The following CAMTA1 variants were observed in gnomAD, a reference collection of about 807,000 sequenced individuals.
CAMTA1 encodes calmodulin-binding transcription activator 1.
A neutral mutation model predicts 170.9 loss-of-function variants in CAMTA1; 27 were observed. That is an observed-to-expected ratio of 0.16 (90% CI 0.12 to 0.22). The LOEUF (loss-of-function observed/expected upper bound fraction) is 0.22. CAMTA1 is among the 10% of genes least tolerant of loss of function. The probability of loss-of-function intolerance (pLI) is 1.00; values close to 1 mark genes in which losing one functional copy is unlikely to be tolerated. For synonymous variants in CAMTA1, 833 were observed against 891.5 expected (o/e 0.93, Z 1.17); for missense variants, 1,619 against 2,217.2 (o/e 0.73, Z 5.42).
chr1:7,661,605 G>A (rs904158232), intron 7 of CAMTA1, 121 bp from the exon 8 acceptor site: 28 of 1,167,360 alleles, frequency 2.4e-5, no homozygotes, highest in Middle Eastern at 2.1e-4. Context: ...CGCCCCAGGA[G>A]CCAGCTCCCC....
chr1:6,939,110 T>A (rs954591320), intron 3 of CAMTA1, among the ~76,000 whole-genome samples: 4 of 152,136 alleles, frequency 2.6e-5, no homozygotes, highest in African/African-American at 9.7e-5. Context: ...CACACTCACA[T>A]GTGTTGTTAT....
chr1:7,062,263 T>C (rs1708334800), intron 3 of CAMTA1, among the ~76,000 whole-genome samples: 1 of 152,320 alleles, frequency 6.6e-6, no homozygotes, highest in South Asian at 2.1e-4. Flanking sequence ...ATATTCCACC[T>C]TTGTCTAGAA....
At chr1:6,920,059 A>ATT (rs1557827363) in intron 3 of CAMTA1, among the ~76,000 whole-genome samples, 3 of 152,120 alleles carry the variant, frequency 2.0e-5, no homozygotes, top group Non-Finnish European at 4.4e-5. Context: ...GTCTCAGCTC[A>ATT]TTTCAGCATT....
intron 4 of CAMTA1, among the ~76,000 whole-genome samples, chr1:7,200,154 T>G (rs1425784823): frequency 1.3e-5 from 2 of 152,238 alleles, no homozygotes; most frequent in Admixed American, 6.5e-5. Flanking sequence ...ACTTAATTAT[T>G]CTCTGTGTAT....
At chr1:7,406,742 C>T (rs113410428) in intron 5 of CAMTA1, among the ~76,000 whole-genome samples, 72 of 152,296 alleles carry the variant, frequency 4.7e-4, no homozygotes, top group African/African-American at 1.7e-3. Context: ...TGGGCCTGGG[C>T]GGCGGCTCTA....
intron 5 of CAMTA1, among the ~76,000 whole-genome samples, chr1:7,353,423 CTT>C (rs2084840929): frequency 1.0e-5 from 1 of 100,400 alleles, no homozygotes; most frequent in African/African-American, 4.2e-5. Flanking sequence ...TTTTTTTTTT[CTT>C]TCTCTCTTTT....
At chr1:7,577,084 G>A (rs1048650984) in intron 6 of CAMTA1, among the ~76,000 whole-genome samples, 6 of 152,194 alleles carry the variant, frequency 3.9e-5, no homozygotes, top group African/African-American at 1.2e-4. Flanking sequence ...CCTGGGCTGT[G>A]CCTCTGCACT....
intron 6 of CAMTA1, among the ~76,000 whole-genome samples, chr1:7,468,830 G>A (rs1014084036): frequency 1.3e-5 from 2 of 152,198 alleles, no homozygotes; most frequent in Non-Finnish European, 2.9e-5. Context: ...CCTGGCGGGG[G>A]TGTAGTTGGA....
intron 4 of CAMTA1, among the ~76,000 whole-genome samples, chr1:7,143,143 G>A (rs992659819): frequency 3.3e-5 from 5 of 152,164 alleles, no homozygotes; most frequent in Admixed American, 6.5e-5. Flanking sequence ...ACCACGGGGT[G>A]CAGCTCCCAT....
chr1:7,713,226 G>T (rs919261290), intron 11 of CAMTA1, among the ~76,000 whole-genome samples: 1 of 152,182 alleles, frequency 6.6e-6, no homozygotes, highest in African/African-American at 2.4e-5. Flanking sequence ...TCTCTGGTTG[G>T]CATGCACCAT....
At chr1:7,593,466 G>A (rs1364687996) in intron 6 of CAMTA1, among the ~76,000 whole-genome samples, 9 of 151,550 alleles carry the variant, frequency 5.9e-5, no homozygotes, top group Non-Finnish European at 1.2e-4. Flanking sequence ...CAGGTGAGGT[G>A]GCTCATGCCT....
At chr1:7,024,762 A>G (rs922296812) in intron 3 of CAMTA1, among the ~76,000 whole-genome samples, 11 of 152,320 alleles carry the variant, frequency 7.2e-5, no homozygotes, top group African/African-American at 2.6e-4. Flanking sequence ...TCCTATTAAT[A>G]AGGAAAAAAG....
chr1:7,361,662 T>C (rs1442917234), intron 5 of CAMTA1, among the ~76,000 whole-genome samples: 2 of 152,194 alleles, frequency 1.3e-5, no homozygotes, highest in Non-Finnish European at 2.9e-5. Context: ...AATATTAACC[T>C]GGAAGGTTGG....
At position 7,245,785 on chromosome 1, in the gene CAMTA1, T is replaced by C. The variant is rs948850285; in HGVS notation, c.303-3706T>C. On this transcript the variant is annotated intron_variant, in intron 4 of 22. Transcript: ENST00000303635. ...TTCGTTCAGCTTCCCCAGAAGGAGA[T>C]CCCGAGATGAAGACTTGAGTGTGAA... Among the ~76,000 whole-genome samples, 29 of 152,082 alleles carry C rather than the reference T, an allele frequency of 1.9e-4. 1 individual carries two copies.
At chr1:6,904,470 T>A (rs938728522) in intron 3 of CAMTA1, among the ~76,000 whole-genome samples, 3 of 152,202 alleles carry the variant, frequency 2.0e-5, no homozygotes, top group African/African-American at 7.2e-5. Context: ...GATTTAAATT[T>A]CTGTTTATCT....
At chr1:7,652,820 G>A (rs955948809) in intron 7 of CAMTA1, among the ~76,000 whole-genome samples, 1 of 152,092 alleles carries the variant, frequency 6.6e-6, no homozygotes, top group Non-Finnish European at 1.5e-5. Context: ...GCTGGTCCTG[G>A]CAGAGCTGAA....
At chr1:6,866,116 G>A (rs1184452388) in intron 3 of CAMTA1, among the ~76,000 whole-genome samples, 1 of 152,200 alleles carries the variant, frequency 6.6e-6, no homozygotes. Context: ...GGAGGATGAA[G>A]TTTGAAGTTA....
At chr1:6,961,572 C>A (rs1313827603) in intron 3 of CAMTA1, among the ~76,000 whole-genome samples, 1 of 136,370 alleles carries the variant, frequency 7.3e-6, no homozygotes, top group Non-Finnish European at 1.5e-5. Flanking sequence ...GAGCCCAGGG[C>A]TCTCAGTCAT....
At chr1:7,056,242 C>T (rs1441531647) in intron 3 of CAMTA1, among the ~76,000 whole-genome samples, 2 of 152,212 alleles carry the variant, frequency 1.3e-5, no homozygotes, top group Non-Finnish European at 2.9e-5. Flanking sequence ...AAGAAAATCG[C>T]ATTTCACACA....
Sources: allele counts gnomAD v4.1 joint callset (sites outside exome capture counted in the v4.1 genomes callset), GRCh38; gene constraint gnomAD v4.1.1; transcripts MANE v1.5; gene names NCBI Gene and HGNC (gene_info 2026-07-23, HGNC 2026-07-21).